The following TCF15 variants were observed in gnomAD, a reference collection of about 807,000 sequenced individuals.
The protein encoded by TCF15 is TCF-15.
TCF15 carries 7 observed loss-of-function variants against 11.1 expected under a neutral mutation model. The observed-to-expected ratio is 0.63, with a 90% CI of 0.36 to 1.19. The LOEUF is 1.19. Among genes scored for constraint, TCF15 ranks in the 50% most tolerant of loss-of-function variants. The pLI is 0.02. For missense variants in TCF15, 288 were observed against 289.4 expected, an observed-to-expected ratio of 1.00 and a Z score of 0.03; for synonymous variants, 144 against 138.9, an observed-to-expected ratio of 1.04 and a Z score of -0.26.
Position 609,921 on chromosome 20 carries a change from C to G in TCF15, c.317G>C (p.Arg106Pro). 6.6e-7 allele frequency: 1 copy of G among 1,521,128 alleles called. No homozygotes were observed. Among genetic ancestry groups the G allele is most frequent in the Non-Finnish European group, 8.7e-7 (1 of 1,143,978 alleles). The allele number at this position is 1,521,128 out of a possible 1,614,324, so 94.2% of individuals were successfully genotyped here. A position where few individuals can be genotyped will look rare whatever the true frequency, so the allele number is the denominator to read the frequency against. ...CACGGTCTCGATCTTGGACAGCTTG[C>G]GGTCCACCGGCTCGGTGGGGATGAG... ...RTLIPTEPVD[R>P]KLSKIETVRL... Residue 106 changes from arginine to proline, a missense_variant, in exon 1 of 2, where the codon CGC becomes CCC. Coordinates refer to ENST00000246080, the MANE Select transcript of TCF15 (RefSeq NM_004609.4). The surrounding 1 kb of genome is among the most constrained non-coding windows in gnomAD (Gnocchi z 4.7).
Position 610,259 on chromosome 20 carries a change from G to C in TCF15, c.-22C>G. 3.0e-6 allele frequency: 3 copies of C among 989,462 alleles called. No homozygotes were observed. The highest frequency in any genetic ancestry group is 6.2e-5 in the Admixed American group (1 of 16,176). 61.3% of individuals were successfully genotyped at this position (989,462 alleles called of 1,614,324 possible). ...CCATGGGCGCCGGCCGCGTCCCTCC[G>C]TGCGCCGCGTCCCAGCGTCGGCCGC... On this transcript the variant is annotated 5_prime_UTR_variant, in exon 1 of 2. Transcript: ENST00000246080.
At chr20:606,947 C>T (rs1232183683) in intron 1 of TCF15, among the ~76,000 whole-genome samples, 4 of 152,188 alleles carry the variant, frequency 2.6e-5, no homozygotes, top group African/African-American at 9.7e-5. Context: ...GGCTTCGATC[C>T]CTACTTTGCC....
At position 609,811 on chromosome 20, in the gene TCF15, C is replaced by T; in HGVS notation, c.427G>A (p.Ala143Thr). The stretch of plus-strand genomic sequence containing the variant: ...ACGGCGCCCTTGGCACTGCCCGCGG[C>T]ACGGAAGCACGGCTGCCCGTCGTCG... ...SADDGQPCFR[A>T]AGSAKGAVPA... Residue 143 changes from alanine (A) to threonine (T), a missense_variant, in exon 1 of 2, where the codon GCC becomes ACC. Coordinates refer to ENST00000246080, the MANE Select transcript of TCF15 (RefSeq NM_004609.4). The surrounding 1 kb of genome is among the most constrained non-coding windows in gnomAD (Gnocchi z 4.7). 1 of 1,501,548 alleles carries T rather than the reference C, an allele frequency of 6.7e-7. No homozygotes were observed. 93.0% of individuals were successfully genotyped at this position (1,501,548 alleles called of 1,614,324 possible). A position where few individuals can be genotyped will look rare whatever the true frequency, so the allele number is the denominator to read the frequency against.
At chr20:608,117 C>T (rs1027743705) in intron 1 of TCF15, among the ~76,000 whole-genome samples, 1 of 152,182 alleles carries the variant, frequency 6.6e-6, no homozygotes, top group Non-Finnish European at 1.5e-5. Flanking sequence ...AGAAATGAGA[C>T]ACAGAAACCC....
In TCF15 at chr20:604,534, T is replaced by C; in HGVS notation, c.*57A>G. ...GAAGGGGTGGGCTTGGCTCCTGGGGTCTTCTTCCCTGTCCAGCCAGTGGCT... is the reference window on the plus strand; with the variant it reads ...GAAGGGGTGGGCTTGGCTCCTGGGGCCTTCTTCCCTGTCCAGCCAGTGGCT... On this transcript the variant is annotated 3_prime_UTR_variant, in exon 2 of 2. Coordinates refer to ENST00000246080, the MANE Select transcript of TCF15 (RefSeq NM_004609.4). This position sits in a 1 kb window ranked among gnomAD's most constrained non-coding sequence, Gnocchi z 4.2. The C allele has an allele frequency of 1.3e-6, 2 of 1,490,806 alleles. No homozygotes were observed. The highest frequency in any genetic ancestry group is 1.8e-6 in the Non-Finnish European group (2 of 1,092,926). 92.3% of individuals were successfully genotyped at this position (1,490,806 alleles called of 1,614,324 possible). A position where few individuals can be genotyped will look rare whatever the true frequency, so the allele number is the denominator to read the frequency against.
intron 1 of TCF15, among the ~76,000 whole-genome samples, chr20:607,756 T>C (rs2019988981): frequency 6.6e-6 from 1 of 152,210 alleles, no homozygotes; most frequent in Non-Finnish European, 1.5e-5. Context: ...CTCTGTAACC[T>C]ATCCCACGTC....
Position 604,262 on chromosome 20 carries a change from T to C in TCF15, c.*329A>G, listed in dbSNP as rs1184693868. Reference sequence around the variant, plus strand: ...CCTCAGCTCAGAACGACGTCTTTTATTTAAAAATAGCTTTTATTTTAAACT... The same window carrying C: ...CCTCAGCTCAGAACGACGTCTTTTACTTAAAAATAGCTTTTATTTTAAACT... On this transcript the variant is annotated 3_prime_UTR_variant, in exon 2 of 2. Transcript: ENST00000246080. The surrounding 1 kb of genome is among the most constrained non-coding windows in gnomAD (Gnocchi z 4.2). 2.8e-6 allele frequency: 1 copy of C among 363,046 alleles called. No individual in the cohort carries two copies. The highest frequency in any genetic ancestry group is 5.1e-6 in the Non-Finnish European group (1 of 194,612). The allele number at this position is 363,046 out of a possible 1,614,324, so 22.5% of individuals were successfully genotyped here. A position where few individuals can be genotyped will look rare whatever the true frequency, so the allele number is the denominator to read the frequency against.
chr20:605,404 A>G (rs2019965075), intron 1 of TCF15, among the ~76,000 whole-genome samples: 1 of 152,106 alleles, frequency 6.6e-6, no homozygotes, highest in Admixed American at 6.5e-5. Context: ...ATGTGCTCTC[A>G]GGTCTTGTCT....
Position 609,838 on chromosome 20 carries a change from C to T in TCF15, c.400G>A (p.Ala134Thr). The T allele has an allele frequency of 6.6e-7, 1 of 1,522,536 alleles. No individual in the cohort carries two copies. Among genetic ancestry groups the T allele is most frequent in the South Asian group, 1.2e-5 (1 of 81,354 alleles). 94.3% of individuals were successfully genotyped at this position (1,522,536 alleles called of 1,614,324 possible). ...LANVLLLGDS[A>T]DDGQPCFRAA... The stretch of plus-strand genomic sequence containing the variant: ...CGGAAGCACGGCTGCCCGTCGTCGG[C>T]CGAGTCGCCCAGCAGCAGCACGTTG... Residue 134 changes from alanine (A) to threonine (T), a missense_variant, in exon 1 of 2, where the codon GCC becomes ACC. Ala to Thr is a moderately conservative substitution (Grantham distance 58, BLOSUM62 0). Coordinates refer to ENST00000246080, the MANE Select transcript of TCF15 (RefSeq NM_004609.4). This position sits in a 1 kb window ranked among gnomAD's most constrained non-coding sequence, Gnocchi z 4.7.
chr20:604,716 C>T lies in TCF15; in HGVS notation c.526-51G>A. On this transcript the variant is annotated intron_variant, in intron 1 of 1. Transcript: ENST00000246080. This position sits in a 1 kb window ranked among gnomAD's most constrained non-coding sequence, Gnocchi z 4.2. Reference sequence around the variant, plus strand: ...AGAGGTTCGATTAGGCCAGTGTGAACACTGGAACTAACCTCTGTATCCCTC... The same window carrying T: ...AGAGGTTCGATTAGGCCAGTGTGAATACTGGAACTAACCTCTGTATCCCTC... The T allele has an allele frequency of 7.1e-7, 1 of 1,401,184 alleles. No homozygotes were observed. 86.8% of individuals were successfully genotyped at this position (1,401,184 alleles called of 1,614,324 possible).
intron 1 of TCF15, among the ~76,000 whole-genome samples, chr20:606,600 T>C (rs1023610346): frequency 1.3e-5 from 2 of 152,120 alleles, no homozygotes; most frequent in Admixed American, 6.5e-5. Flanking sequence ...GCGGATCACC[T>C]GAGGCCAGGA....
At position 604,358 on chromosome 20, in the gene TCF15, G is replaced by A. The variant is rs2019954557; in HGVS notation, c.*233C>T. The A allele has an allele frequency of 3.4e-6, 2 of 594,038 alleles. No homozygotes were observed. Among genetic ancestry groups the A allele is most frequent in the Non-Finnish European group, 6.0e-6 (2 of 330,854 alleles). The allele number at this position is 594,038 out of a possible 1,614,324, so 36.8% of individuals were successfully genotyped here. A position where few individuals can be genotyped will look rare whatever the true frequency, so the allele number is the denominator to read the frequency against. On this transcript the variant is annotated 3_prime_UTR_variant, in exon 2 of 2. Coordinates refer to ENST00000246080, the MANE Select transcript of TCF15 (RefSeq NM_004609.4). The surrounding 1 kb of genome is among the most constrained non-coding windows in gnomAD (Gnocchi z 4.2). ...ACACACCCTGTCACCAACAGTCTTTGTTTTTCCAAAAGTTCTGCCTTGTCT... is the reference window on the plus strand; with the variant it reads ...ACACACCCTGTCACCAACAGTCTTTATTTTTCCAAAAGTTCTGCCTTGTCT...
At position 604,535 on chromosome 20, in the gene TCF15, C is replaced by T. The variant is rs927632018; in HGVS notation, c.*56G>A. ...AAGGGGTGGGCTTGGCTCCTGGGGT[C>T]TTCTTCCCTGTCCAGCCAGTGGCTG... On this transcript the variant is annotated 3_prime_UTR_variant, in exon 2 of 2. Transcript: ENST00000246080. The surrounding 1 kb of genome is among the most constrained non-coding windows in gnomAD (Gnocchi z 4.2). 6 of 1,505,276 alleles carry T rather than the reference C, an allele frequency of 4.0e-6. No homozygotes were observed. The African/African-American group carries it at 8.3e-5, about 21-fold the overall frequency. The allele number at this position is 1,505,276 out of a possible 1,614,324, so 93.2% of individuals were successfully genotyped here.
chr20:609,063 C>CA lies in TCF15; in HGVS notation c.525+649dup, dbSNP rs1293167695. ...CGTCCTTTTGGGGGCTGGGGACTCT[C>CA]AGAGGGCCCCTTCTTCACTCCTACT... On this transcript the variant is annotated intron_variant, in intron 1 of 1. Coordinates refer to ENST00000246080, the MANE Select transcript of TCF15 (RefSeq NM_004609.4). The surrounding 1 kb of genome is among the most constrained non-coding windows in gnomAD (Gnocchi z 4.7). Among the ~76,000 whole-genome samples the CA allele has an allele frequency of 1.3e-5, 2 of 152,110 alleles. No individual in the cohort carries two copies. The highest frequency in any genetic ancestry group is 2.9e-5 in the Non-Finnish European group (2 of 68,008).
Position 609,024 on chromosome 20 carries a change from C to G in TCF15, c.525+689G>C, listed in dbSNP as rs1389516405. ...TCCCTCCAGCTGACCCAAGAGTGCC[C>G]TCTCCCAACACCACGTCCTTTTGGG... On this transcript the variant is annotated intron_variant, in intron 1 of 1. Transcript: ENST00000246080. The surrounding 1 kb of genome is among the most constrained non-coding windows in gnomAD (Gnocchi z 4.7). Among the ~76,000 whole-genome samples the G allele has an allele frequency of 6.6e-6, 1 of 152,112 alleles. No individual in the cohort carries two copies. Among genetic ancestry groups the G allele is most frequent in the Non-Finnish European group, 1.5e-5 (1 of 68,008 alleles).
At chr20:605,812 A>ACCC (rs1218740463) in intron 1 of TCF15, among the ~76,000 whole-genome samples, 2 of 152,000 alleles carry the variant, frequency 1.3e-5, no homozygotes, top group Non-Finnish European at 2.9e-5. Flanking sequence ...ATGTTAAAGC[A>ACCC]CCCCCTCTTT....
Position 609,575 on chromosome 20 carries a change from G to A in TCF15, c.525+138C>T, listed in dbSNP as rs2020004318. ...TTAAGTCAGTGGTTCTGGGCTTGGG[G>A]TGCCGCACCCAGCACGAATTCCACG... On this transcript the variant is annotated intron_variant, in intron 1 of 1. Transcript: ENST00000246080. This position sits in a 1 kb window ranked among gnomAD's most constrained non-coding sequence, Gnocchi z 4.7. 6 of 1,041,114 alleles carry A rather than the reference G, an allele frequency of 5.8e-6. No individual in the cohort carries two copies. In the South Asian group the frequency reaches 1.9e-4, roughly 33 times the overall value. The allele number at this position is 1,041,114 out of a possible 1,614,324, so 64.5% of individuals were successfully genotyped here. A position where few individuals can be genotyped will look rare whatever the true frequency, so the allele number is the denominator to read the frequency against.
chr20:606,817 C>CAAAAAAAA, intron 1 of TCF15, among the ~76,000 whole-genome samples: 1 of 66,212 alleles, frequency 1.5e-5, no homozygotes, highest in Non-Finnish European at 3.0e-5. Context: ...GACTCCATCG[C>CAAAAAAAA]AAAAAAAAAA....
At chr20:606,356 C>T (rs1006145834) in intron 1 of TCF15, among the ~76,000 whole-genome samples, 1 of 152,168 alleles carries the variant, frequency 6.6e-6, no homozygotes, top group Non-Finnish European at 1.5e-5. Context: ...CACCCCAAGT[C>T]TGGAGGTCAG....
Sources: allele counts gnomAD v4.1 joint callset (sites outside exome capture counted in the v4.1 genomes callset), GRCh38; gene constraint gnomAD v4.1.1; non-coding constraint Gnocchi (gnomAD v3.1); transcripts MANE v1.5; gene names NCBI Gene and HGNC (gene_info 2026-07-23, HGNC 2026-07-21).